ST6GALNAC3: variants seen among roughly 807,000 people sequenced by gnomAD.
ST6GALNAC3 encodes ST6 N-acetylgalactosaminide alpha-2,6-sialyltransferase 3.
Under a neutral mutation model 32.7 loss-of-function variants are expected in ST6GALNAC3, and 25 were observed. The observed-to-expected ratio is 0.76, with a 90% confidence interval of 0.56 to 1.07. The LOEUF is 1.07. ST6GALNAC3 is among the 50% of genes least tolerant of loss of function. ST6GALNAC3 has a pLI of 0.00. For missense variants in ST6GALNAC3, 355 were observed against 382.4 expected (o/e 0.93, Z 0.60); for synonymous variants, 129 against 133.1 (o/e 0.97, Z 0.21).
chr1:76,309,850 T>TA (rs1646723051), intron 1 of ST6GALNAC3: 24 of 427,132 alleles, frequency 5.6e-5, no homozygotes, highest in South Asian at 4.0e-4. Context: ...CTGTGCTCAT[T>TA]ACTTGGTTCC....
chr1:76,496,288 C>T (rs1375980221), intron 3 of ST6GALNAC3, among the ~76,000 whole-genome samples: 1 of 152,128 alleles, frequency 6.6e-6, no homozygotes, highest in African/African-American at 2.4e-5. Context: ...AGTTATCACA[C>T]GCCAGTGATT....
intron 3 of ST6GALNAC3, among the ~76,000 whole-genome samples, chr1:76,528,812 T>A (rs1237783874): frequency 6.6e-6 from 1 of 151,276 alleles, no homozygotes; most frequent in Non-Finnish European, 1.5e-5. Context: ...CAGCTCACCA[T>A]AGTTCTCTAG....
chr1:76,184,396 G>A (rs148288846), intron 1 of ST6GALNAC3, among the ~76,000 whole-genome samples: 5 of 152,036 alleles, frequency 3.3e-5, no homozygotes, highest in South Asian at 2.1e-4. Context: ...AAAATTAGCC[G>A]GGTGTGGTGG....
intron 1 of ST6GALNAC3, among the ~76,000 whole-genome samples, chr1:76,273,826 A>G (rs1468788851): frequency 2.0e-5 from 3 of 152,194 alleles, no homozygotes; most frequent in African/African-American, 4.8e-5. Flanking sequence ...AATTTTTGCT[A>G]TAGTTATGTT....
At chr1:76,534,867 C>G (rs1663498109) in intron 3 of ST6GALNAC3, among the ~76,000 whole-genome samples, 1 of 152,074 alleles carries the variant, frequency 6.6e-6, no homozygotes, top group African/African-American at 2.4e-5. Context: ...ATAGATTATA[C>G]AGGGGTCAGG....
intron 3 of ST6GALNAC3, among the ~76,000 whole-genome samples, chr1:76,472,031 A>C (rs567928794): frequency 6.6e-6 from 1 of 152,266 alleles, no homozygotes; most frequent in East Asian, 1.9e-4. Flanking sequence ...CAATGGCCCT[A>C]GCAAACATGA....
At chr1:76,206,803 TA>T (rs1249636392) in intron 1 of ST6GALNAC3, among the ~76,000 whole-genome samples, 1 of 152,254 alleles carries the variant, frequency 6.6e-6, no homozygotes, top group African/African-American at 2.4e-5. Flanking sequence ...TCACTAACAG[TA>T]AAGATACTGC....
chr1:76,272,544 T>A (rs1450967204), intron 1 of ST6GALNAC3, among the ~76,000 whole-genome samples: 3 of 152,134 alleles, frequency 2.0e-5, no homozygotes, highest in Non-Finnish European at 4.4e-5. Flanking sequence ...CAGAGTTCAT[T>A]CATTCCATCT....
At chr1:76,186,515 G>A (rs1251289901) in intron 1 of ST6GALNAC3, among the ~76,000 whole-genome samples, 1 of 152,134 alleles carries the variant, frequency 6.6e-6, no homozygotes, top group Non-Finnish European at 1.5e-5. Flanking sequence ...GTCCACTGAG[G>A]TTAGTGGGGT....
At chr1:76,508,550 A>G (rs1476606566) in intron 3 of ST6GALNAC3, among the ~76,000 whole-genome samples, 1 of 152,224 alleles carries the variant, frequency 6.6e-6, no homozygotes, top group East Asian at 1.9e-4. Context: ...GGCACCTGGG[A>G]CCCAGTATTG....
At chr1:76,523,455 G>A (rs12733869) in intron 3 of ST6GALNAC3, among the ~76,000 whole-genome samples, 15,489 of 152,184 alleles carry the variant, frequency 0.1, 983 homozygotes, top group East Asian at 0.22. Context: ...GGCTCCAGAT[G>A]TTGTGATCTT....
chr1:76,361,965 G>A (rs1410676648), intron 2 of ST6GALNAC3, among the ~76,000 whole-genome samples: 12 of 129,612 alleles, frequency 9.3e-5, no homozygotes, highest in African/African-American at 6.3e-5. Context: ...GCAACAGAGT[G>A]AGACTCTGTA....
At chr1:76,288,834 G>A (rs1022409389) in intron 1 of ST6GALNAC3, among the ~76,000 whole-genome samples, 1 of 152,180 alleles carries the variant, frequency 6.6e-6, no homozygotes, top group Non-Finnish European at 1.5e-5. Context: ...AGTCCTGGAT[G>A]AGAGGCTGAA....
intron 2 of ST6GALNAC3, among the ~76,000 whole-genome samples, chr1:76,399,879 T>G (rs1653269970): frequency 6.6e-6 from 1 of 152,172 alleles, no homozygotes; most frequent in South Asian, 2.1e-4. Context: ...TTAGCTATAT[T>G]GAAATACAAC....
intron 1 of ST6GALNAC3, among the ~76,000 whole-genome samples, chr1:76,128,979 C>T (rs1156489962): frequency 6.6e-6 from 1 of 152,184 alleles, no homozygotes. Context: ...TCACCCAGGC[C>T]ATCTGTCCTA....
intron 2 of ST6GALNAC3, among the ~76,000 whole-genome samples, chr1:76,397,844 A>G (rs1485041418): frequency 4.0e-5 from 6 of 151,832 alleles, no homozygotes; most frequent in Non-Finnish European, 4.4e-5. Flanking sequence ...TTCTGTATCC[A>G]TGTTGTGGCT....
At chr1:76,451,084 A>C (rs2101553986) in intron 3 of ST6GALNAC3, among the ~76,000 whole-genome samples, 1 of 152,278 alleles carries the variant, frequency 6.6e-6, no homozygotes, top group East Asian at 1.9e-4. Flanking sequence ...TAGTTCTGTG[A>C]AGAACGATGG....
chr1:76,138,733 T>G (rs1163070846), intron 1 of ST6GALNAC3, among the ~76,000 whole-genome samples: 1 of 152,202 alleles, frequency 6.6e-6, no homozygotes, highest in Non-Finnish European at 1.5e-5. Context: ...TTCAGTAGAG[T>G]GCCTTTTTAC....
At chr1:76,136,175 A>G (rs1649937785) in intron 1 of ST6GALNAC3, among the ~76,000 whole-genome samples, 2 of 152,242 alleles carry the variant, frequency 1.3e-5, no homozygotes, top group Non-Finnish European at 2.9e-5. Context: ...GCTACAGCCC[A>G]TTTATAAATG....
Sources: allele counts gnomAD v4.1 joint callset (sites outside exome capture counted in the v4.1 genomes callset), GRCh38; gene constraint gnomAD v4.1.1; transcripts MANE v1.5; gene names NCBI Gene and HGNC (gene_info 2026-07-23, HGNC 2026-07-21).